Variants in SNTG2 observed in about 807,000 individuals in gnomAD.
SNTG2 encodes the protein syntrophin gamma 2, also known as gamma-2-syntrophin.
Under a neutral mutation model 70.9 loss-of-function variants are expected in SNTG2, and 74 were observed. The ratio of observed to expected loss-of-function variants is 1.04; its 90% CI spans 0.86 to 1.27. SNTG2 has a LOEUF of 1.27. Among genes scored for constraint, SNTG2 ranks in the 50% most tolerant of loss-of-function variants. SNTG2 has a pLI of 0.00. For missense variants in SNTG2, 717 were observed against 690.7 expected (o/e 1.04, Z -0.43); for synonymous variants, 278 against 273.8 (o/e 1.02, Z -0.15).
chr2:1,309,484 T>C (rs1199503916), intron 15 of SNTG2, among the ~76,000 whole-genome samples: 2 of 152,230 alleles, frequency 1.3e-5, no homozygotes, highest in African/African-American at 4.8e-5. Context: ...GAGGGACACT[T>C]GGGCATGTCT....
chr2:1,226,583 A>C (rs1291662330), intron 9 of SNTG2, among the ~76,000 whole-genome samples: 1 of 147,634 alleles, frequency 6.8e-6, no homozygotes, highest in Admixed American at 6.7e-5. Context: ...TGATACACCA[A>C]GGCTCACACC....
At chr2:1,250,490 T>G (rs574937973) in intron 12 of SNTG2, among the ~76,000 whole-genome samples, 1 of 152,112 alleles carries the variant, frequency 6.6e-6, no homozygotes, top group Non-Finnish European at 1.5e-5. Context: ...TCTCTTCCTC[T>G]GTCTGACTCA....
At chr2:1,332,974 C>G (rs1659608692) in intron 16 of SNTG2, among the ~76,000 whole-genome samples, 1 of 152,116 alleles carries the variant, frequency 6.6e-6, no homozygotes, top group South Asian at 2.1e-4. Context: ...ACAAGAAAAA[C>G]AAATCAATGA....
At chr2:1,006,410 A>AG (rs1423664629) in intron 1 of SNTG2, among the ~76,000 whole-genome samples, 3 of 59,608 alleles carry the variant, frequency 5.0e-5, no homozygotes, top group African/African-American at 2.8e-4. Context: ...TTCAAAAAAA[A>AG]AAGAAAATTC....
rs1558293328 is a variant in SNTG2, at chr2:983,236, T to TGGGATGAAGAAGTTGCAGAGGTGGAGGTC, written c.72+32196_72+32197insCGGGATGAAGAAGTTGCAGAGGTGGAGGT. 1.1e-3 allele frequency among the ~76,000 whole-genome samples: 78 copies of TGGGATGAAGAAGTTGCAGAGGTGGAGGTC among 71,362 alleles called. 2 individuals carry two copies. The highest frequency in any genetic ancestry group is 2.9e-3 in the Admixed American group (22 of 7,502). 46.8% of individuals were successfully genotyped at this position (71,362 alleles called of 152,430 possible). On this transcript the variant is annotated intron_variant, in intron 1 of 16. Transcript: ENST00000308624. ...ATGCAGAAGCTGCAGAGGTGGAGGT[T>TGGGATGAAGAAGTTGCAGAGGTGGAGGTC]GGGATGAAGAAGTTGCAGAGGTGGA...
intron 1 of SNTG2, among the ~76,000 whole-genome samples, chr2:1,065,586 C>G (rs969353460): frequency 6.6e-6 from 1 of 152,150 alleles, no homozygotes; most frequent in African/African-American, 2.4e-5. Context: ...TTTAAATATT[C>G]AAATTATTTT....
intron 16 of SNTG2, among the ~76,000 whole-genome samples, chr2:1,366,780 C>G (rs1661512468): frequency 6.6e-6 from 1 of 152,070 alleles, no homozygotes; most frequent in Admixed American, 6.5e-5. Context: ...GCTGTTCCTC[C>G]CAAGCGTGGC....
chr2:1,277,467 T>TA (rs1489813398), intron 14 of SNTG2, among the ~76,000 whole-genome samples: 10 of 152,220 alleles, frequency 6.6e-5, no homozygotes, highest in Admixed American at 6.5e-4. Flanking sequence ...ATGTTTAAAT[T>TA]AAGGTGTGTA....
At chr2:1,098,054 C>T in intron 2 of SNTG2, 142 bp from the exon 3 acceptor site, 1 of 826,350 alleles carries the variant, frequency 1.2e-6, no homozygotes, top group Non-Finnish European at 2.0e-6. Context: ...GAAATAGTGT[C>T]ATTACTGTCA....
chr2:1,234,922 C>A (rs1306927626), intron 9 of SNTG2, among the ~76,000 whole-genome samples: 1 of 152,216 alleles, frequency 6.6e-6, no homozygotes, highest in Non-Finnish European at 1.5e-5. Context: ...CTGAGAGCAC[C>A]CAGTGTTCAG....
At chr2:966,543 A>G (rs73165758) in intron 1 of SNTG2, among the ~76,000 whole-genome samples, 52,240 of 152,090 alleles carry the variant, frequency 0.34, 9,715 homozygotes, top group Middle Eastern at 0.46. Flanking sequence ...CATAAGAGAA[A>G]AATACTTCTG....
chr2:1,257,549 C>T (rs988781409), intron 12 of SNTG2, among the ~76,000 whole-genome samples: 17 of 152,154 alleles, frequency 1.1e-4, no homozygotes, highest in Non-Finnish European at 1.9e-4. Flanking sequence ...CCTGCTTCTG[C>T]GAACAACAAA....
At chr2:1,189,885 G>A (rs1452749174) in intron 8 of SNTG2, among the ~76,000 whole-genome samples, 2 of 151,854 alleles carry the variant, frequency 1.3e-5, no homozygotes, top group Non-Finnish European at 2.9e-5. Context: ...TATAACAGAG[G>A]GTGTCTTAGA....
chr2:1,087,711 G>A (rs1002738454), intron 2 of SNTG2, among the ~76,000 whole-genome samples: 1 of 152,198 alleles, frequency 6.6e-6, no homozygotes, highest in East Asian at 1.9e-4. Flanking sequence ...TCAGTCTCAA[G>A]CCTTTGAGCC....
rs563761934 is a variant in SNTG2, at chr2:1,287,761, C to T, written c.1284+20190C>T. On this transcript the variant is annotated intron_variant, in intron 14 of 16. Transcript: ENST00000308624. ...CCTGTTGTTTTCACCCTCTGGCCAC[C>T]GCTGAAGAGTCTGCCGTCATGAAAA... Among the ~76,000 whole-genome samples, 64 of 152,302 alleles carry T rather than the reference C, an allele frequency of 4.2e-4. No homozygotes were observed. The South Asian group carries it at 0.01, about 24-fold the overall frequency.
chr2:1,292,011 A>G (rs1680012885), intron 14 of SNTG2, among the ~76,000 whole-genome samples: 1 of 152,120 alleles, frequency 6.6e-6, no homozygotes, highest in South Asian at 2.1e-4. Flanking sequence ...AATTTTTGTC[A>G]TCAATGTTTT....
At chr2:1,277,998 G>A (rs888288613) in intron 14 of SNTG2, among the ~76,000 whole-genome samples, 8 of 152,190 alleles carry the variant, frequency 5.3e-5, no homozygotes, top group Non-Finnish European at 7.3e-5. Context: ...CTGACACTTC[G>A]TGGCAAGTAT....
intron 1 of SNTG2, among the ~76,000 whole-genome samples, chr2:975,348 G>A (rs1012509547): frequency 1.7e-4 from 26 of 151,580 alleles, no homozygotes; most frequent in Admixed American, 1.2e-3. Flanking sequence ...AACACCACAT[G>A]CTTGGACTCA....
At chr2:1,249,491 A>G (rs1284074399) in intron 12 of SNTG2, among the ~76,000 whole-genome samples, 3 of 152,218 alleles carry the variant, frequency 2.0e-5, no homozygotes, top group Admixed American at 6.5e-5. Flanking sequence ...CAATGTACTG[A>G]AAATCCAGAG....
Sources: allele counts gnomAD v4.1 joint callset (sites outside exome capture counted in the v4.1 genomes callset), GRCh38; gene constraint gnomAD v4.1.1; transcripts MANE v1.5; gene names NCBI Gene and HGNC (gene_info 2026-07-23, HGNC 2026-07-21).